Variants in GBF1 observed in about 807,000 individuals in gnomAD.
The protein encoded by GBF1 is golgi brefeldin A resistant guanine nucleotide exchange factor 1.
Under a neutral mutation model 210.5 loss-of-function variants are expected in GBF1, and 114 were observed. The observed-to-expected ratio is 0.54, with a 90% CI of 0.47 to 0.63. GBF1 has a LOEUF of 0.63. Ranked by LOEUF, GBF1 falls within the 30% of genes least tolerant of loss-of-function variation. The pLI is 0.00. For synonymous variants in GBF1, 850 were observed against 889.2 expected, an observed-to-expected ratio of 0.96 and a Z score of 0.78; for missense variants, 1,851 against 2,357.7, an observed-to-expected ratio of 0.79 and a Z score of 4.45.
Position 102,363,152 on chromosome 10 carries a change from G to A in GBF1, c.1877-104G>A. 1 of 1,095,640 alleles carries A rather than the reference G, an allele frequency of 9.1e-7. No homozygotes were observed. Among genetic ancestry groups the A allele is most frequent in the East Asian group, 2.4e-5 (1 of 40,932 alleles). 67.9% of individuals were successfully genotyped at this position (1,095,640 alleles called of 1,614,324 possible). On this transcript the variant is annotated intron_variant, in intron 15 of 39. Coordinates refer to ENST00000369983, the MANE Select transcript of GBF1 (RefSeq NM_001377137.1). The surrounding 1 kb of genome is among the most constrained non-coding windows in gnomAD (Gnocchi z 4.2). ...GTCCTGCTCAGGGCTGGCGCCCTGT[G>A]CAGGAACCATGCAGGTCTTCTGGGC...
intron 3 of GBF1, among the ~76,000 whole-genome samples, chr10:102,265,894 A>G (rs1363184272): frequency 1.3e-5 from 2 of 152,102 alleles, no homozygotes; most frequent in African/African-American, 2.4e-5. Context: ...TTTAGCTCTG[A>G]GGACCTAATG....
In GBF1 at chr10:102,365,444, GA is replaced by G. The variant is rs2059859041; in HGVS notation, c.2155del (p.Ile719PhefsTer33). The G allele has an allele frequency of 6.2e-7, 1 of 1,614,008 alleles. No homozygotes were observed. The highest frequency in any genetic ancestry group is 8.5e-7 in the Non-Finnish European group (1 of 1,179,954). ...EQFNQKPKKG[I>X]QFLQEKGLLT... The stretch of plus-strand genomic sequence containing the variant: ...AGTTCAATCAGAAACCAAAGAAGGG[GA>G]TTCAGTTTCTGCAAGAGAAAGGCCT... On this transcript the variant is annotated frameshift_variant, in exon 18 of 40. Coordinates refer to ENST00000369983, the MANE Select transcript of GBF1 (RefSeq NM_001377137.1). LOFTEE classifies it high-confidence loss of function.
At chr10:102,283,157 G>A (rs1355876387) in intron 3 of GBF1, among the ~76,000 whole-genome samples, 3 of 152,198 alleles carry the variant, frequency 2.0e-5, no homozygotes, top group Non-Finnish European at 2.9e-5. Flanking sequence ...TTCAACCTAA[G>A]ATGACAGAGG....
chr10:102,289,181 T>A (rs1017058467), intron 3 of GBF1, among the ~76,000 whole-genome samples: 1 of 151,820 alleles, frequency 6.6e-6, no homozygotes, highest in Non-Finnish European at 1.5e-5. Context: ...ATAGCCACAG[T>A]GATGAGGACT....
intron 9 of GBF1, 96 bp from the exon 10 acceptor site, chr10:102,358,410 T>A: frequency 1.1e-6 from 1 of 888,904 alleles, no homozygotes; most frequent in Non-Finnish European, 1.8e-6. Context: ...AAGATAAGCA[T>A]GTAATCTGGG....
At chr10:102,235,623 T>C in the GBF1 span, among the ~76,000 whole-genome samples, 2 of 152,026 alleles carry the variant, frequency 1.3e-5, no homozygotes, top group Admixed American at 1.3e-4. Context: ...ACCTGAGTAG[T>C]TTTTTTTCCT....
At chr10:102,285,782 C>G (rs1210208482) in intron 3 of GBF1, among the ~76,000 whole-genome samples, 1 of 152,028 alleles carries the variant, frequency 6.6e-6, no homozygotes, top group Non-Finnish European at 1.5e-5. Flanking sequence ...CTAGCTCTCT[C>G]CGTTTTTTCT....
chr10:102,366,280 CT>C lies in GBF1; in HGVS notation c.2310-102del. 1.6e-6 allele frequency: 2 copies of C among 1,254,550 alleles called. No homozygotes were observed. The highest frequency in any genetic ancestry group is 2.3e-6 in the Non-Finnish European group (2 of 871,672). The allele number at this position is 1,254,550 out of a possible 1,614,324, so 77.7% of individuals were successfully genotyped here. A position where few individuals can be genotyped will look rare whatever the true frequency, so the allele number is the denominator to read the frequency against. ...CTGCCCCTTTACTAGAGACCTCAGCCTCCTCTCTTCCAGTAAGAGTAGGTTA... is the reference window on the plus strand; with the variant it reads ...CTGCCCCTTTACTAGAGACCTCAGCCCCTCTCTTCCAGTAAGAGTAGGTTA... On this transcript the variant is annotated intron_variant, in intron 18 of 39. Transcript: ENST00000369983. The surrounding 1 kb of genome is among the most constrained non-coding windows in gnomAD (Gnocchi z 4.0).
At chr10:102,381,402 A>G (rs1759573274) in intron 39 of GBF1, 147 bp downstream of exon 39, 3 of 745,854 alleles carry the variant, frequency 4.0e-6, no homozygotes, top group Non-Finnish European at 4.3e-6. Flanking sequence ...CGCTCTTCCC[A>G]TGGGAAATGA....
chr10:102,287,329 CTTTTA>C (rs1460749329), intron 3 of GBF1, among the ~76,000 whole-genome samples: 6 of 98,394 alleles, frequency 6.1e-5, no homozygotes, highest in East Asian at 5.3e-4. Context: ...CACACAGTTT[CTTTTA>C]TTTTATTTTC....
At chr10:102,345,827 C>T (rs912614237) in intron 4 of GBF1, among the ~76,000 whole-genome samples, 4 of 151,910 alleles carry the variant, frequency 2.6e-5, no homozygotes, top group Non-Finnish European at 4.4e-5. Context: ...CAGCCGTCAC[C>T]ACCATCTATT....
At chr10:102,247,661 C>A (rs962772279) in intron 1 of GBF1, among the ~76,000 whole-genome samples, 1 of 151,950 alleles carries the variant, frequency 6.6e-6, no homozygotes, top group Non-Finnish European at 1.5e-5. Context: ...TTTTTTTAAT[C>A]CTAAATGTCA....
At chr10:102,258,550 T>C (rs1238875163) in intron 1 of GBF1, among the ~76,000 whole-genome samples, 4 of 149,672 alleles carry the variant, frequency 2.7e-5, no homozygotes, top group Non-Finnish European at 5.9e-5. Context: ...GGCGGGTGGA[T>C]TACCTGAGGT....
intron 3 of GBF1, among the ~76,000 whole-genome samples, chr10:102,338,763 A>T (rs965518549): frequency 6.6e-6 from 1 of 151,824 alleles, no homozygotes; most frequent in African/African-American, 2.4e-5. Context: ...CCTGACAAAC[A>T]TGGAGATACC....
intron 3 of GBF1, among the ~76,000 whole-genome samples, chr10:102,312,805 A>C (rs938255374): frequency 6.6e-6 from 1 of 152,156 alleles, no homozygotes; most frequent in Non-Finnish European, 1.5e-5. Flanking sequence ...CAGATCTTCC[A>C]GTGAATTGAG....
intron 1 of GBF1, 113 bp from the exon 2 acceptor site, chr10:102,258,816 G>T (rs1590512618): frequency 1.8e-6 from 1 of 563,448 alleles, no homozygotes; most frequent in Non-Finnish European, 3.3e-6. Context: ...AGAAAATCTT[G>T]GTACTGAAAA....
rs1481217925 is a variant in GBF1, at chr10:102,376,570, A to G, written c.4058A>G (p.Asp1353Gly). ...CTGTGTACTTTACAGGTTGGGAAGG[A>G]TGACGTTGATAACTCCAAGCCAGGG... Reference protein sequence around the residue: ...VNSGWLVVGKDDVDNSKPGPS... With the variant: ...VNSGWLVVGKGDVDNSKPGPS... The change falls in exon 32 of 40, where the codon GAT becomes GGT. Residue 1353 changes from aspartate to glycine, a missense_variant. Asp to Gly is a moderately conservative substitution (Grantham distance 94). Coordinates refer to ENST00000369983, the MANE Select transcript of GBF1 (RefSeq NM_001377137.1). The G allele has an allele frequency of 1.2e-6, 2 of 1,614,050 alleles. No homozygotes were observed. The highest frequency in any genetic ancestry group is 3.3e-5 in the Admixed American group (2 of 60,014).
intron 3 of GBF1, among the ~76,000 whole-genome samples, chr10:102,261,615 C>CTTTTTTTTTTT (rs10711743): frequency 8.6e-6 from 1 of 116,098 alleles, no homozygotes; most frequent in Non-Finnish European, 1.8e-5. Context: ...TTCTTTCTTT[C>CTTTTTTTTTTT]TTTTTTTTTT....
At chr10:102,285,689 T>C (rs182667595) in intron 3 of GBF1, among the ~76,000 whole-genome samples, 2 of 152,354 alleles carry the variant, frequency 1.3e-5, no homozygotes, top group Admixed American at 1.3e-4. Context: ...TTGTGAAAAT[T>C]ATTTTCTTCT....
Sources: allele counts gnomAD v4.1 joint callset (sites outside exome capture counted in the v4.1 genomes callset), GRCh38; gene constraint gnomAD v4.1.1; non-coding constraint Gnocchi (gnomAD v3.1); transcripts MANE v1.5; gene names NCBI Gene and HGNC (gene_info 2026-07-23, HGNC 2026-07-21).